AGPAT4: variants seen among roughly 807,000 people sequenced by gnomAD.
The protein encoded by AGPAT4 is 1-acyl-sn-glycerol-3-phosphate acyltransferase delta.
A neutral mutation model predicts 48.0 loss-of-function variants in AGPAT4; 15 were observed. The observed-to-expected ratio is 0.31, with a 90% CI of 0.21 to 0.48. The LOEUF (loss-of-function observed/expected upper bound fraction) is 0.48. Among genes scored for constraint, AGPAT4 ranks in the 20% least tolerant of loss-of-function variants. AGPAT4 has a pLI of 0.99. For synonymous variants in AGPAT4, 178 were observed against 198.7 expected, an observed-to-expected ratio of 0.90 and a Z score of 0.88; for missense variants, 314 against 482.5, an observed-to-expected ratio of 0.65 and a Z score of 3.27.
rs1782243579 is a variant in AGPAT4, at chr6:161,235,330, A to C, written c.-89-3028T>G. The stretch of plus-strand genomic sequence containing the variant: ...ATTTATATGCAAACGCCAAAATAAG[A>C]ATAGTCAAGGCATCCTCTGAAGAAG... On this transcript the variant is annotated intron_variant, in intron 1 of 8. Transcript: ENST00000320285. The surrounding 1 kb of genome is among the most constrained non-coding windows in gnomAD (Gnocchi z 6.2). Among the ~76,000 whole-genome samples the C allele has an allele frequency of 6.6e-6, 1 of 152,198 alleles. No homozygotes were observed. Among genetic ancestry groups the C allele is most frequent in the African/African-American group, 2.4e-5 (1 of 41,438 alleles).
At position 161,159,205 on chromosome 6, in the gene AGPAT4, A is replaced by G. The variant is rs1020705562; in HGVS notation, c.349-4895T>C. Among the ~76,000 whole-genome samples, 4 of 152,128 alleles carry G rather than the reference A, an allele frequency of 2.6e-5. No homozygotes were observed. The highest frequency in any genetic ancestry group is 2.1e-4 in the South Asian group (1 of 4,820). On this transcript the variant is annotated intron_variant, in intron 3 of 8. Coordinates refer to ENST00000320285, the MANE Select transcript of AGPAT4 (RefSeq NM_020133.3). This position sits in a 1 kb window ranked among gnomAD's most constrained non-coding sequence, Gnocchi z 4.1. ...AGCCCTATCACTCCAGGGTCCCCAC[A>G]AGTCTCCCCATAGCACAGCCTCCAT...
At chr6:161,248,558 C>T (rs374121972) in intron 1 of AGPAT4, among the ~76,000 whole-genome samples, 168 of 117,056 alleles carry the variant, frequency 1.4e-3, no homozygotes, top group African/African-American at 3.3e-3. Flanking sequence ...TGGGTGACAG[C>T]GAGACTCTGT....
At chr6:161,191,991 T>C (rs1336612593) in intron 2 of AGPAT4, among the ~76,000 whole-genome samples, 3 of 151,848 alleles carry the variant, frequency 2.0e-5, no homozygotes, top group Non-Finnish European at 2.9e-5. Flanking sequence ...TAGGGAGGTG[T>C]AACTGTTCTT....
At chr6:161,136,933 T>G (rs1779086240) in intron 8 of AGPAT4, among the ~76,000 whole-genome samples, 1 of 152,238 alleles carries the variant, frequency 6.6e-6, no homozygotes, top group African/African-American at 2.4e-5. Flanking sequence ...AATCCCTGGC[T>G]TCCTCTGCTG....
chr6:161,263,238 C>T (rs1249278537), intron 1 of AGPAT4, among the ~76,000 whole-genome samples: 1 of 152,178 alleles, frequency 6.6e-6, no homozygotes, highest in Non-Finnish European at 1.5e-5. Flanking sequence ...GAAGACCAGG[C>T]TCTCTTTAAA....
At position 161,243,438 on chromosome 6, in the gene AGPAT4, C is replaced by T. The variant is rs568859275; in HGVS notation, c.-89-11136G>A. ...CAACGTGGTCAGGACTGGCAGCTCA[C>T]GTCAGAGCCTCGGCCATCCTGCGCA... is the stretch of plus-strand genomic sequence containing the variant. On this transcript the variant is annotated intron_variant, in intron 1 of 8. Transcript: ENST00000320285. This position sits in a 1 kb window ranked among gnomAD's most constrained non-coding sequence, Gnocchi z 4.8. Among the ~76,000 whole-genome samples the T allele has an allele frequency of 1.3e-5, 2 of 152,200 alleles. No homozygotes were observed. The highest frequency in any genetic ancestry group is 6.5e-5 in the Admixed American group (1 of 15,288).
rs56226316 is a variant in AGPAT4, at chr6:161,233,109, CCACACACACACACACACACACA to C, written c.-89-829_-89-808del. On this transcript the variant is annotated intron_variant, in intron 1 of 8. Coordinates refer to ENST00000320285, the MANE Select transcript of AGPAT4 (RefSeq NM_020133.3). The surrounding 1 kb of genome is among the most constrained non-coding windows in gnomAD (Gnocchi z 5.4). ...AGACACATAGACACACACACAAACA[CCACACACACACACACACACACA>C]CACACACACACACAGATACACACAT... is the stretch of plus-strand genomic sequence containing the variant. Among the ~76,000 whole-genome samples, 649 of 147,410 alleles carry C rather than the reference CCACACACACACACACACACACA, an allele frequency of 4.4e-3. 5 individuals are homozygous for C. The highest frequency in any genetic ancestry group is 7.0e-3 in the Non-Finnish European group (465 of 66,520).
chr6:161,247,562 A>G (rs1326640414), intron 1 of AGPAT4, among the ~76,000 whole-genome samples: 2 of 152,206 alleles, frequency 1.3e-5, no homozygotes, highest in Admixed American at 1.3e-4. Context: ...CCTTAAAATA[A>G]TAAGAGCCAT....
At position 161,161,469 on chromosome 6, in the gene AGPAT4, C is replaced by A. The variant is rs1383095199; in HGVS notation, c.348+4779G>T. 1 of 456,720 alleles carries A rather than the reference C, an allele frequency of 2.2e-6. No homozygotes were observed. Among genetic ancestry groups the A allele is most frequent in the Non-Finnish European group, 4.4e-6 (1 of 226,982 alleles). 28.3% of individuals were successfully genotyped at this position (456,720 alleles called of 1,614,324 possible). A position where few individuals can be genotyped will look rare whatever the true frequency, so the allele number is the denominator to read the frequency against. ...CAGAGGGTGGCGTCCCAGCCCATTC[C>A]TAGTGCAAGGTCTGTGCCTGCAGAG... On this transcript the variant is annotated intron_variant, in intron 3 of 8. Transcript: ENST00000320285. The surrounding 1 kb of genome is among the most constrained non-coding windows in gnomAD (Gnocchi z 4.6).
In AGPAT4 at chr6:161,131,560, G is replaced by A. The variant is rs1778898550; in HGVS notation, c.*4980C>T. Reference sequence around the variant, plus strand: ...CCCCTTCATGTAGTCACTATTCACTGAGGGCCATGAGGGTGAGGCCCTGCT... The same window carrying A: ...CCCCTTCATGTAGTCACTATTCACTAAGGGCCATGAGGGTGAGGCCCTGCT... On this transcript the variant is annotated 3_prime_UTR_variant, in exon 9 of 9. Coordinates refer to ENST00000320285, the MANE Select transcript of AGPAT4 (RefSeq NM_020133.3). The A allele has an allele frequency of 1.3e-5, 2 of 152,306 alleles. No homozygotes were observed. The highest frequency in any genetic ancestry group is 4.8e-5 in the African/African-American group (2 of 41,430). 9.4% of individuals were successfully genotyped at this position (152,306 alleles called of 1,614,324 possible). A position where few individuals can be genotyped will look rare whatever the true frequency, so the allele number is the denominator to read the frequency against.
At chr6:161,151,160 G>GA (rs1779583234) in intron 5 of AGPAT4, among the ~76,000 whole-genome samples, 1 of 152,220 alleles carries the variant, frequency 6.6e-6, no homozygotes, top group Non-Finnish European at 1.5e-5. Context: ...CCAGCCAGGA[G>GA]CAAATCCCAG....
rs1007305889 is a variant in AGPAT4 at position 161,264,575 on chromosome 6, A to C, written c.-90+9363T>G. On this transcript the variant is annotated intron_variant, in intron 1 of 8. Transcript: ENST00000320285. The surrounding 1 kb of genome is among the most constrained non-coding windows in gnomAD (Gnocchi z 6.8). ...GCGTGCCCGCGCATCCCTGCCCTGC[A>C]AGTCTTATCCACTGCGTGGGAACCC... is the stretch of plus-strand genomic sequence containing the variant. Among the ~76,000 whole-genome samples the C allele has an allele frequency of 5.3e-5, 8 of 152,288 alleles. No individual in the cohort carries two copies. Among genetic ancestry groups the C allele is most frequent in the African/African-American group, 1.9e-4 (8 of 41,570 alleles).
At position 161,195,844 on chromosome 6, in the gene AGPAT4, G is replaced by A. The variant is rs990013180; in HGVS notation, c.179-29427C>T. Among the ~76,000 whole-genome samples the A allele has an allele frequency of 1.3e-5, 2 of 152,196 alleles. No homozygotes were observed. The highest frequency in any genetic ancestry group is 2.1e-4 in the South Asian group (1 of 4,826). ...TCTGGGGCAGGTGTCAGGGCCAGCA[G>A]GCAGGCTGATTGTCTAGCGTTGGCA... On this transcript the variant is annotated intron_variant, in intron 2 of 8. Coordinates refer to ENST00000320285, the MANE Select transcript of AGPAT4 (RefSeq NM_020133.3). The surrounding 1 kb of genome is among the most constrained non-coding windows in gnomAD (Gnocchi z 5.0).
At chr6:161,273,598 A>G (rs1225392845) in intron 1 of AGPAT4, among the ~76,000 whole-genome samples, 1 of 151,992 alleles carries the variant, frequency 6.6e-6, no homozygotes, top group Non-Finnish European at 1.5e-5. Flanking sequence ...CTTCGTCTAT[A>G]GCAGAGAAAA....
At chr6:161,187,826 G>A (rs896952445) in intron 2 of AGPAT4, among the ~76,000 whole-genome samples, 5 of 152,290 alleles carry the variant, frequency 3.3e-5, no homozygotes, top group South Asian at 2.1e-4. Flanking sequence ...TTACAGGCGT[G>A]AGCCACCGTG....
In AGPAT4 at chr6:161,245,395, G is replaced by A. The variant is rs988062656; in HGVS notation, c.-89-13093C>T. 1.3e-5 allele frequency among the ~76,000 whole-genome samples: 2 copies of A among 152,166 alleles called. No individual in the cohort carries two copies. Among genetic ancestry groups the A allele is most frequent in the African/African-American group, 4.8e-5 (2 of 41,442 alleles). ...ATATCAGTCCCAGTTTTATGGTTCT[G>A]GAAAATGGGAAATGGGGCCACTTGT... On this transcript the variant is annotated intron_variant, in intron 1 of 8. Transcript: ENST00000320285. This position sits in a 1 kb window ranked among gnomAD's most constrained non-coding sequence, Gnocchi z 5.2.
In AGPAT4 at chr6:161,144,293, C is replaced by A. The variant is rs1401150345; in HGVS notation, c.843+2231G>T. The A allele has an allele frequency of 2.2e-6, 1 of 456,208 alleles. No homozygotes were observed. Among genetic ancestry groups the A allele is most frequent in the South Asian group, 1.6e-5 (1 of 61,778 alleles). The allele number at this position is 456,208 out of a possible 1,614,324, so 28.3% of individuals were successfully genotyped here. A position where few individuals can be genotyped will look rare whatever the true frequency, so the allele number is the denominator to read the frequency against. Reference sequence around the variant, plus strand: ...TGCACGGAGAGAGAAAGGGCCTGGACTCCAGCACCTGGCTTTGATCAGTGA... The same window carrying A: ...TGCACGGAGAGAGAAAGGGCCTGGAATCCAGCACCTGGCTTTGATCAGTGA... On this transcript the variant is annotated intron_variant, in intron 7 of 8. Transcript: ENST00000320285. The surrounding 1 kb of genome is among the most constrained non-coding windows in gnomAD (Gnocchi z 6.6).
At position 161,258,500 on chromosome 6, in the gene AGPAT4, G is replaced by A. The variant is rs550886427; in HGVS notation, c.-90+15438C>T. Among the ~76,000 whole-genome samples, 25 of 152,152 alleles carry A rather than the reference G, an allele frequency of 1.6e-4. 1 individual carries two copies. The highest frequency in any genetic ancestry group is 5.8e-4 in the African/African-American group (24 of 41,498). On this transcript the variant is annotated intron_variant, in intron 1 of 8. Transcript: ENST00000320285. ...GTTCATGTCTTGAATCATAAGACAA[G>A]CAAAATACAGAAAGAAAAAACACAA...
rs940947562 is a variant in AGPAT4, at chr6:161,233,047, G to C, written c.-89-745C>G. Among the ~76,000 whole-genome samples, 2 of 151,418 alleles carry C rather than the reference G, an allele frequency of 1.3e-5. No individual in the cohort carries two copies. Among genetic ancestry groups the C allele is most frequent in the African/African-American group, 4.9e-5 (2 of 41,196 alleles). ...TAAATACAAATAACTAGGAAGGTAA[G>C]AAAACTACCCCCACCACACCCTGGT... On this transcript the variant is annotated intron_variant, in intron 1 of 8. Transcript: ENST00000320285. The surrounding 1 kb of genome is among the most constrained non-coding windows in gnomAD (Gnocchi z 5.4).
Sources: gnomAD v4.1 joint callset for allele counts (sites outside exome capture counted in the v4.1 genomes callset) on GRCh38, gnomAD v4.1.1 for gene constraint, Gnocchi (gnomAD v3.1) non-coding constraint, MANE v1.5 for transcripts, NCBI Gene and HGNC (gene_info 2026-07-23, HGNC 2026-07-21) for gene names.